SCAPER: variants seen among roughly 807,000 people sequenced by gnomAD.
SCAPER encodes the protein S phase cyclin A-associated protein in the endoplasmic reticulum.
Under a neutral mutation model 182.2 loss-of-function variants are expected in SCAPER, and 98 were observed. The observed-to-expected ratio is 0.54, with a 90% confidence interval of 0.46 to 0.64. The LOEUF (loss-of-function observed/expected upper bound fraction) is 0.64, where lower values mean the gene tolerates loss of function less well. SCAPER is among the 30% of genes least tolerant of loss of function. The pLI, the probability that SCAPER is intolerant of heterozygous loss-of-function variation, is 0.00. For missense variants in SCAPER, 1,432 were observed against 1,690.0 expected, an observed-to-expected ratio of 0.85 and a Z score of 2.68; for synonymous variants, 605 against 564.6, an observed-to-expected ratio of 1.07 and a Z score of -1.01.
At chr15:76,861,705 A>G (rs1052496825) in intron 3 of SCAPER, 1 of 152,202 alleles carries the variant, frequency 6.6e-6, no homozygotes, top group Non-Finnish European at 1.5e-5. Context: ...GGTAAATATG[A>G]TTTTTAAAAA....
chr15:76,708,809 T>C (rs2059406841), intron 17 of SCAPER, among the ~76,000 whole-genome samples: 1 of 152,156 alleles, frequency 6.6e-6, no homozygotes, highest in African/African-American at 2.4e-5. Flanking sequence ...CTCACACCTG[T>C]AATCCCAGCA....
chr15:76,650,458 T>C (rs1009877631), intron 21 of SCAPER, among the ~76,000 whole-genome samples: 5 of 151,936 alleles, frequency 3.3e-5, no homozygotes, highest in African/African-American at 9.7e-5. Flanking sequence ...AGGGAACAAT[T>C]TGTCAAGAAT....
rs150968313 is a variant in SCAPER at position 76,815,948 on chromosome 15, G to A, written c.394-11315C>T. Among the ~76,000 whole-genome samples the A allele has an allele frequency of 3.4e-3, 522 of 152,288 alleles. 3 individuals are homozygous for A. The highest frequency in any genetic ancestry group is 0.012 in the African/African-American group (506 of 41,556). On this transcript the variant is annotated intron_variant, in intron 5 of 31. Transcript: ENST00000563290. ...AAGAGTAACACAATGTTAAGTATCT[G>A]TGCATCTAAACACAGAAAATCTACA...
At position 76,773,879 on chromosome 15, in the gene SCAPER, C is replaced by T. The variant is rs145362809; in HGVS notation, c.1035+976G>A. Among the ~76,000 whole-genome samples, 78 of 151,912 alleles carry T rather than the reference C, an allele frequency of 5.1e-4. 1 individual carries two copies. The highest frequency in any genetic ancestry group is 1.8e-3 in the African/African-American group (73 of 41,512). On this transcript the variant is annotated intron_variant, in intron 9 of 31. Transcript: ENST00000563290. ...TAGTATGATATTTAAAAAAAAGCTCCTATTTTTCATTAGTCATTTTACATA... is the reference window on the plus strand; with the variant it reads ...TAGTATGATATTTAAAAAAAAGCTCTTATTTTTCATTAGTCATTTTACATA...
intron 5 of SCAPER, among the ~76,000 whole-genome samples, chr15:76,825,756 T>C (rs1477471756): frequency 6.6e-6 from 1 of 152,124 alleles, no homozygotes; most frequent in Non-Finnish European, 1.5e-5. Flanking sequence ...TTTTGTTTTG[T>C]TTTTTTGAGA....
intron 18 of SCAPER, among the ~76,000 whole-genome samples, chr15:76,704,481 T>C (rs2059137134): frequency 6.6e-6 from 1 of 152,218 alleles, no homozygotes; most frequent in African/African-American, 2.4e-5. Context: ...CTTTAATCCA[T>C]CTTGCATTAA....
At chr15:76,879,726 GCCTAATGATCTTT>G (rs2073412847) in intron 2 of SCAPER, among the ~76,000 whole-genome samples, 1 of 152,116 alleles carries the variant, frequency 6.6e-6, no homozygotes, top group African/African-American at 2.4e-5. Context: ...CCCAGCCAAA[GCCTAATGATCTTT>G]CGAATCCCAA....
At chr15:76,565,338 C>A (rs2046964151) in intron 23 of SCAPER, among the ~76,000 whole-genome samples, 1 of 151,856 alleles carries the variant, frequency 6.6e-6, no homozygotes, top group Non-Finnish European at 1.5e-5. Flanking sequence ...AAGATAAAAA[C>A]CAATAACCCC....
chr15:76,840,856 C>G (rs2069405538), intron 5 of SCAPER, among the ~76,000 whole-genome samples: 1 of 152,180 alleles, frequency 6.6e-6, no homozygotes. Context: ...TAATATCCTA[C>G]TACAAACACA....
intron 16 of SCAPER, among the ~76,000 whole-genome samples, chr15:76,730,756 A>G (rs1346467375): frequency 6.6e-6 from 1 of 152,158 alleles, no homozygotes; most frequent in Non-Finnish European, 1.5e-5. Flanking sequence ...GGCTTGAGGA[A>G]TGTAATTTTT....
At chr15:76,820,144 C>T (rs1201265338) in intron 5 of SCAPER, among the ~76,000 whole-genome samples, 3 of 152,114 alleles carry the variant, frequency 2.0e-5, no homozygotes, top group East Asian at 1.9e-4. Context: ...GTTGGTGGGA[C>T]GGTAAACTAG....
At chr15:76,738,936 T>C (rs1205753922) in intron 15 of SCAPER, among the ~76,000 whole-genome samples, 1 of 152,192 alleles carries the variant, frequency 6.6e-6, no homozygotes, top group African/African-American at 2.4e-5. Flanking sequence ...AACATTCAAT[T>C]TTTTAAAACT....
intron 17 of SCAPER, among the ~76,000 whole-genome samples, chr15:76,708,701 A>G (rs971069118): frequency 6.6e-6 from 1 of 152,196 alleles, no homozygotes; most frequent in African/African-American, 2.4e-5. Flanking sequence ...CTTTGGAAAG[A>G]GCGACAAAAT....
rs114913169 is a variant in SCAPER at position 76,585,396 on chromosome 15, C to T, written c.2712-11112G>A. 2.4e-3 allele frequency among the ~76,000 whole-genome samples: 367 copies of T among 152,172 alleles called. 2 individuals carry two copies. Among genetic ancestry groups the T allele is most frequent in the African/African-American group, 8.4e-3 (349 of 41,526 alleles). On this transcript the variant is annotated intron_variant, in intron 22 of 31. Transcript: ENST00000563290. ...CTTCCAATCAAATATGGGCTAGAGT[C>T]ACATCCAATTAAAGTTACTGACCTT...
intron 20 of SCAPER, among the ~76,000 whole-genome samples, chr15:76,682,063 C>G (rs1598128068): frequency 6.6e-6 from 1 of 152,184 alleles, no homozygotes; most frequent in Admixed American, 6.5e-5. Context: ...AGATGCCCAA[C>G]CAGGGTGCCG....
At chr15:76,587,212 A>AT (rs1271482629) in intron 22 of SCAPER, among the ~76,000 whole-genome samples, 4 of 151,908 alleles carry the variant, frequency 2.6e-5, no homozygotes, top group African/African-American at 7.3e-5. Flanking sequence ...TGGTCTGTTG[A>AT]TTTTATTTAT....
intron 8 of SCAPER, among the ~76,000 whole-genome samples, chr15:76,784,588 C>T (rs527340164): frequency 2.0e-4 from 31 of 152,146 alleles, no homozygotes; most frequent in South Asian, 6.2e-4. Context: ...GACAATCCTA[C>T]GCAAAAAGAA....
intron 24 of SCAPER, among the ~76,000 whole-genome samples, chr15:76,496,005 C>G (rs912395214): frequency 1.4e-5 from 1 of 72,142 alleles, no homozygotes; most frequent in African/African-American, 4.3e-5. Context: ...CACACACACA[C>G]ACACACACAC....
Position 76,533,147 on chromosome 15 carries a change from T to C in SCAPER, c.2839-28173A>G, listed in dbSNP as rs531820968. The stretch of plus-strand genomic sequence containing the variant: ...TAAAGGTAGAGATTACTGAGATTAG[T>C]TTTGAAGAGTAAGTAGGGGCTGGCT... On this transcript the variant is annotated intron_variant, in intron 23 of 31. Transcript: ENST00000563290. 2.0e-5 allele frequency among the ~76,000 whole-genome samples: 3 copies of C among 152,234 alleles called. No homozygotes were observed. In the East Asian group the frequency reaches 5.8e-4, roughly 29 times the overall value.
Sources: gnomAD v4.1 joint callset for allele counts (sites outside exome capture counted in the v4.1 genomes callset) on GRCh38, gnomAD v4.1.1 for gene constraint, MANE v1.5 for transcripts, NCBI Gene and HGNC (gene_info 2026-07-23, HGNC 2026-07-21) for gene names.